Variants in SUZ12 observed in about 807,000 individuals in gnomAD.
The protein encoded by SUZ12 is SUZ12 polycomb repressive complex 2 subunit, also known as polycomb protein SUZ12.
Under a neutral mutation model 87.3 loss-of-function variants are expected in SUZ12, and 17 were observed. The ratio of observed to expected loss-of-function variants is 0.19; its 90% CI spans 0.13 to 0.29. The LOEUF (loss-of-function observed/expected upper bound fraction) is 0.29. SUZ12 is among the 10% of genes least tolerant of loss of function. The pLI, the probability that SUZ12 is intolerant of heterozygous loss-of-function variation, is 1.00. For missense variants in SUZ12, 526 were observed against 912.2 expected (o/e 0.58, Z 5.45); for synonymous variants, 253 against 312.4 (o/e 0.81, Z 2.01).
Position 31,998,203 on chromosome 17 carries a change from C to T in SUZ12, c.1875-455C>T, listed in dbSNP as rs866782223. Reference sequence around the variant, plus strand: ...CACACCATTCTCCTGCCTCAGCCTCCGGAGCCGCTGGGACCACAGGCACCC... The same window carrying T: ...CACACCATTCTCCTGCCTCAGCCTCTGGAGCCGCTGGGACCACAGGCACCC... On this transcript the variant is annotated intron_variant, in intron 15 of 15. Transcript: ENST00000322652. Among the ~76,000 whole-genome samples the T allele has an allele frequency of 7.9e-4, 120 of 151,928 alleles. 2 individuals carry two copies. The highest frequency in any genetic ancestry group is 2.6e-3 in the African/African-American group (109 of 41,416).
At chr17:31,976,928 T>C (rs1402272089) in intron 8 of SUZ12, among the ~76,000 whole-genome samples, 1 of 152,200 alleles carries the variant, frequency 6.6e-6, no homozygotes, top group Non-Finnish European at 1.5e-5. Flanking sequence ...AGCTTAACTT[T>C]TAGTGGAGGA....
chr17:31,998,578 G>T, intron 15 of SUZ12, 80 bp from the exon 16 acceptor site: 1 of 980,554 alleles, frequency 1.0e-6, no homozygotes, highest in Non-Finnish European at 1.4e-6. Flanking sequence ...ATTGGATATA[G>T]TCTTATTATA....
intron 6 of SUZ12, among the ~76,000 whole-genome samples, 156 bp downstream of exon 6, chr17:31,973,387 G>T (rs1259419930): frequency 6.6e-6 from 1 of 152,106 alleles, no homozygotes; most frequent in African/African-American, 2.4e-5. Flanking sequence ...AACCTCTTTT[G>T]CCAACTCGCA....
At chr17:31,966,311 G>C in intron 5 of SUZ12, 115 bp downstream of exon 5, 1 of 926,340 alleles carries the variant, frequency 1.1e-6, no homozygotes, top group Non-Finnish European at 1.6e-6. Flanking sequence ...TGGAAAATAT[G>C]TTGGTTCTGA....
chr17:31,988,497 G>C lies in SUZ12; in HGVS notation c.1201G>C (p.Ala401Pro). Residue 401 changes from alanine (A) to proline (P), a missense_variant and splice_region_variant, in exon 10 of 16, where the codon GCT (alanine) becomes CCT (proline). Ala to Pro is a conservative substitution (Grantham distance 27). Coordinates refer to ENST00000322652, the MANE Select transcript of SUZ12 (RefSeq NM_015355.4). ...PGSVKPTQTI[A>P]VKESLTTDLQ... is the part of the protein sequence containing the mutation. Reference sequence around the variant, plus strand: ...TTCAGTTAAACCTACTCAAACTATTGGTAAGAAAACATTGCAATCAAAATA... The same window carrying C: ...TTCAGTTAAACCTACTCAAACTATTCGTAAGAAAACATTGCAATCAAAATA... 1 of 1,590,622 alleles carries C rather than the reference G, an allele frequency of 6.3e-7. No homozygotes were observed. Among genetic ancestry groups the C allele is most frequent in the South Asian group, 1.2e-5 (1 of 86,744 alleles).
In SUZ12 at chr17:31,956,824, G is replaced by A. The variant is rs112631327; in HGVS notation, c.455+9139G>A. On this transcript the variant is annotated intron_variant, in intron 4 of 15. Transcript: ENST00000322652. The stretch of plus-strand genomic sequence containing the variant: ...TTTTTTGAGACAGTCTCATTCTATG[G>A]CTCAGCAATGTCGCCATCTAGGATC... Among the ~76,000 whole-genome samples, 1,282 of 151,422 alleles carry A rather than the reference G, an allele frequency of 8.5e-3. 17 individuals are homozygous for A. The highest frequency in any genetic ancestry group is 0.03 in the African/African-American group (1,229 of 41,214).
rs911418465 is a variant in SUZ12, at chr17:31,968,705, T to C, written c.505+2509T>C. Reference sequence around the variant, plus strand: ...GTAATGGTCTGCTTAGAGTCCTTATTTCTAGTCATCGTATTTTGTTTTCTG... The same window carrying C: ...GTAATGGTCTGCTTAGAGTCCTTATCTCTAGTCATCGTATTTTGTTTTCTG... On this transcript the variant is annotated intron_variant, in intron 5 of 15. Coordinates refer to ENST00000322652, the MANE Select transcript of SUZ12 (RefSeq NM_015355.4). Among the ~76,000 whole-genome samples the C allele has an allele frequency of 1.5e-4, 23 of 152,204 alleles. 3 individuals are homozygous for C. The highest frequency in any genetic ancestry group is 1.2e-3 in the Admixed American group (19 of 15,262).
intron 4 of SUZ12, among the ~76,000 whole-genome samples, chr17:31,954,114 G>A (rs1299359426): frequency 6.6e-6 from 1 of 151,990 alleles, no homozygotes; most frequent in African/African-American, 2.4e-5. Context: ...CCAGGCAAGA[G>A]TGCAGTGGTG....
At chr17:31,975,028 A>G (rs2521593) in intron 6 of SUZ12, among the ~76,000 whole-genome samples, 1 of 152,056 alleles carries the variant, frequency 6.6e-6, no homozygotes, top group Non-Finnish European at 1.5e-5. Context: ...CCATGGGATT[A>G]TTAGTCATTT....
At chr17:31,963,073 C>G (rs111470621) in intron 4 of SUZ12, among the ~76,000 whole-genome samples, 25,372 of 148,228 alleles carry the variant, frequency 0.17, no homozygotes, top group African/African-American at 0.31. Context: ...AAATCTGATT[C>G]ATGTAAAAAT....
chr17:31,975,078 A>C (rs564870668), intron 6 of SUZ12, among the ~76,000 whole-genome samples: 2 of 152,304 alleles, frequency 1.3e-5, no homozygotes, highest in East Asian at 3.9e-4. Flanking sequence ...CTGTCATGTT[A>C]AAATAGAACA....
chr17:31,970,277 A>G (rs1908344064), intron 5 of SUZ12, among the ~76,000 whole-genome samples: 1 of 152,204 alleles, frequency 6.6e-6, no homozygotes, highest in Non-Finnish European at 1.5e-5. Flanking sequence ...CTTCCGAAGA[A>G]ACTGATCAAA....
intron 10 of SUZ12, among the ~76,000 whole-genome samples, chr17:31,992,661 C>T (rs940641219): frequency 5.3e-5 from 8 of 152,028 alleles, no homozygotes; most frequent in East Asian, 1.9e-4. Flanking sequence ...CCACCCGCCT[C>T]GGCCTCCCAA....
chr17:31,966,306 AATATGTTG>A (rs1908083941), intron 5 of SUZ12, 110 bp downstream of exon 5: 4 of 950,052 alleles, frequency 4.2e-6, no homozygotes, highest in Non-Finnish European at 6.4e-6. Flanking sequence ...TTTAATGGAA[AATATGTTG>A]GTTCTGATGT....
intron 3 of SUZ12, among the ~76,000 whole-genome samples, chr17:31,943,860 G>A (rs1489910071): frequency 6.6e-6 from 1 of 151,986 alleles, no homozygotes; most frequent in African/African-American, 2.4e-5. Context: ...ACTACACCCA[G>A]CTAATTTTTG....
chr17:31,950,444 G>A (rs1906900439), intron 4 of SUZ12, among the ~76,000 whole-genome samples: 1 of 152,018 alleles, frequency 6.6e-6, no homozygotes, highest in Non-Finnish European at 1.5e-5. Context: ...CAGCATTTTG[G>A]TGGCTGAGGT....
intron 12 of SUZ12, 53 bp from the exon 13 acceptor site, chr17:31,994,511 G>T: frequency 7.1e-7 from 1 of 1,405,798 alleles, no homozygotes; most frequent in Non-Finnish European, 9.4e-7. Context: ...AAATTGGAGG[G>T]ATATTTAGGA....
At chr17:31,955,823 CCT>C (rs1907291263) in intron 4 of SUZ12, among the ~76,000 whole-genome samples, 1 of 152,086 alleles carries the variant, frequency 6.6e-6, no homozygotes, top group East Asian at 1.9e-4. Context: ...CTCTAACAGT[CCT>C]CCTGTCTCAG....
In SUZ12 at chr17:31,985,871, C is replaced by T. The variant is rs1254721397; in HGVS notation, c.1024-2449C>T. ...AGAGATGGAGTTTCACCATGTTGGC[C>T]AGGCTGGTCTCGAACTCCTGACCTT... On this transcript the variant is annotated intron_variant, in intron 9 of 15. Coordinates refer to ENST00000322652, the MANE Select transcript of SUZ12 (RefSeq NM_015355.4). Among the ~76,000 whole-genome samples, 5 of 151,988 alleles carry T rather than the reference C, an allele frequency of 3.3e-5. No individual in the cohort carries two copies. The South Asian group carries it at 1.0e-3, about 31-fold the overall frequency.
Sources: allele counts gnomAD v4.1 joint callset (sites outside exome capture counted in the v4.1 genomes callset), GRCh38; gene constraint gnomAD v4.1.1; transcripts MANE v1.5; gene names NCBI Gene and HGNC (gene_info 2026-07-23, HGNC 2026-07-21).